Variants in PDE1C observed in about 807,000 individuals in gnomAD.
PDE1C encodes the protein phosphodiesterase 1C.
Under a neutral mutation model 93.1 loss-of-function variants are expected in PDE1C, and 62 were observed. The ratio of observed to expected loss-of-function variants is 0.67; its 90% confidence interval spans 0.54 to 0.82. The LOEUF (loss-of-function observed/expected upper bound fraction) is 0.82, where lower values mean the gene tolerates loss of function less well. Among genes scored for constraint, PDE1C ranks in the 40% least tolerant of loss-of-function variants. The pLI, the probability that PDE1C is intolerant of heterozygous loss-of-function variation, is 0.00. For missense variants in PDE1C, 742 were observed against 884.6 expected (o/e 0.84, Z 2.04); for synonymous variants, 325 against 310.1 (o/e 1.05, Z -0.50).
intron 3 of PDE1C, among the ~76,000 whole-genome samples, chr7:32,140,356 C>A (rs985083028): frequency 3.3e-5 from 5 of 152,204 alleles, no homozygotes; most frequent in African/African-American, 1.2e-4. Context: ...CCTCTTAGAA[C>A]CGTATGTCAC....
At chr7:32,297,993 CTCTCCTCT>C (rs1812706798) in intron 1 of PDE1C, among the ~76,000 whole-genome samples, 2 of 39,812 alleles carry the variant, frequency 5.0e-5, no homozygotes, top group Admixed American at 2.2e-4. Context: ...CTCTCTCTCT[CTCTCCTCT>C]CTCTCTCTCT....
At chr7:31,771,413 A>G (rs937152702) in intron 17 of PDE1C, among the ~76,000 whole-genome samples, 33 of 152,180 alleles carry the variant, frequency 2.2e-4, no homozygotes, top group African/African-American at 7.5e-4. Flanking sequence ...TATAGTAGCC[A>G]TCCTAATGGG....
chr7:32,333,895 CTTTTGAACTTGTT>C (rs1275409960), intron 1 of PDE1C, among the ~76,000 whole-genome samples: 1 of 152,106 alleles, frequency 6.6e-6, no homozygotes. Context: ...AGGGTTAGGC[CTTTTGAACTTGTT>C]TCATAGGCTG....
At chr7:32,079,953 G>T (rs949327583) in intron 3 of PDE1C, among the ~76,000 whole-genome samples, 1 of 152,180 alleles carries the variant, frequency 6.6e-6, no homozygotes, top group African/African-American at 2.4e-5. Flanking sequence ...AGTGGTCACG[G>T]ATGGCCTCCA....
intron 16 of PDE1C, 31 bp downstream of exon 16, chr7:31,809,000 T>G: frequency 7.8e-7 from 1 of 1,283,924 alleles, no homozygotes; most frequent in Non-Finnish European, 1.1e-6. Flanking sequence ...GCACATTTTA[T>G]GGAAAAATGT....
At chr7:31,792,248 C>T (rs1266437390) in intron 16 of PDE1C, among the ~76,000 whole-genome samples, 3 of 152,064 alleles carry the variant, frequency 2.0e-5, no homozygotes, top group Non-Finnish European at 4.4e-5. Flanking sequence ...TGTTCCAACC[C>T]AGACTGCTGA....
chr7:31,808,175 T>C, intron 16 of PDE1C: 1 of 485,152 alleles, frequency 2.1e-6, no homozygotes, highest in South Asian at 1.5e-5. Flanking sequence ...CATTTGTTCT[T>C]CAAAGGTATT....
intron 17 of PDE1C, among the ~76,000 whole-genome samples, chr7:31,762,461 T>A (rs1794894031): frequency 6.6e-6 from 1 of 152,132 alleles, no homozygotes; most frequent in Admixed American, 6.6e-5. Flanking sequence ...CACCTCAGCC[T>A]CCTGAGTAGC....
chr7:31,691,577 C>A, the PDE1C span, among the ~76,000 whole-genome samples: 1 of 151,858 alleles, frequency 6.6e-6, no homozygotes, highest in Non-Finnish European at 1.5e-5. Context: ...TGCTCCTGGG[C>A]GACAGCTATA....
intron 1 of PDE1C, among the ~76,000 whole-genome samples, chr7:32,397,228 T>C (rs547937748): frequency 6.6e-6 from 1 of 152,304 alleles, no homozygotes; most frequent in East Asian, 1.9e-4. Flanking sequence ...GCCAATATCC[T>C]AATATATTTT....
chr7:31,789,807 T>C (rs1784378229), intron 16 of PDE1C: 3 of 993,148 alleles, frequency 3.0e-6, no homozygotes, highest in Non-Finnish European at 2.4e-6. Flanking sequence ...TGACAACATT[T>C]AAAGTAACGG....
chr7:32,186,112 T>C (rs1338167434), intron 2 of PDE1C, among the ~76,000 whole-genome samples: 15 of 107,876 alleles, frequency 1.4e-4, no homozygotes, highest in African/African-American at 5.4e-4. Flanking sequence ...TTTTTTTTTT[T>C]TGAGACGGAG....
intron 2 of PDE1C, among the ~76,000 whole-genome samples, chr7:31,962,050 A>C (rs908214291): frequency 1.4e-4 from 21 of 152,320 alleles, no homozygotes; most frequent in African/African-American, 5.1e-4. Context: ...TTATCTATCT[A>C]TAATGTCCAG....
intron 2 of PDE1C, among the ~76,000 whole-genome samples, chr7:32,043,053 C>T (rs1292586819): frequency 2.6e-5 from 4 of 152,166 alleles, no homozygotes; most frequent in Non-Finnish European, 5.9e-5. Flanking sequence ...TTTTGACATA[C>T]ACGGGACATT....
chr7:31,967,405 AC>A (rs903017681), intron 2 of PDE1C, among the ~76,000 whole-genome samples: 62 of 152,184 alleles, frequency 4.1e-4, no homozygotes, highest in African/African-American at 1.4e-3. Context: ...CCAAGACTAA[AC>A]CAGGAAGAAG....
At chr7:31,769,433 G>A (rs1795341803) in intron 17 of PDE1C, among the ~76,000 whole-genome samples, 1 of 152,136 alleles carries the variant, frequency 6.6e-6, no homozygotes, top group South Asian at 2.1e-4. Context: ...TTATGGCACT[G>A]GAGATGTACT....
chr7:31,951,475 T>C (rs1435231799), intron 2 of PDE1C, among the ~76,000 whole-genome samples: 1 of 152,208 alleles, frequency 6.6e-6, no homozygotes, highest in Non-Finnish European at 1.5e-5. Context: ...TACAGTTTGC[T>C]GTCAGCAGTT....
chr7:31,696,960 T>C, the PDE1C span: 3 of 1,613,916 alleles, frequency 1.9e-6, no homozygotes, highest in Non-Finnish European at 2.5e-6. Context: ...CCCCTAACCA[T>C]GCAGGTGTGT....
chr7:31,820,133 T>C (rs530429381), intron 14 of PDE1C, among the ~76,000 whole-genome samples: 53 of 152,118 alleles, frequency 3.5e-4, no homozygotes, highest in African/African-American at 1.3e-3. Context: ...CAGAATAAAA[T>C]ATTCAAAAGA....
Sources: allele counts gnomAD v4.1 joint callset (sites outside exome capture counted in the v4.1 genomes callset), GRCh38; gene constraint gnomAD v4.1.1; transcripts MANE v1.5; gene names NCBI Gene and HGNC (gene_info 2026-07-23, HGNC 2026-07-21).